KCNAB2: variants seen among roughly 807,000 people sequenced by gnomAD.
KCNAB2 encodes potassium voltage-gated channel subfamily A regulatory beta subunit 2, also known as voltage-gated potassium channel subunit beta-2.
KCNAB2 carries 29 observed loss-of-function variants against 63.6 expected under a neutral mutation model. That is an observed-to-expected ratio of 0.46 (90% CI 0.34 to 0.62). The LOEUF (loss-of-function observed/expected upper bound fraction) is 0.62. Among genes scored for constraint, KCNAB2 ranks in the 20% least tolerant of loss-of-function variants. KCNAB2 has a pLI of 0.01. For missense variants in KCNAB2, 359 were observed against 563.9 expected, an observed-to-expected ratio of 0.64 and a Z score of 3.68; for synonymous variants, 222 against 224.2, an observed-to-expected ratio of 0.99 and a Z score of 0.09.
chr1:6,040,265 G>A (rs907570002), intron 1 of KCNAB2, among the ~76,000 whole-genome samples: 1 of 152,162 alleles, frequency 6.6e-6, no homozygotes, highest in African/African-American at 2.4e-5. Context: ...GTGGGAGTGT[G>A]GAGTGATGGA....
upstream of KCNAB2, among the ~76,000 whole-genome samples, chr1:6,032,914 A>G (rs1331620614): frequency 6.6e-6 from 1 of 152,250 alleles, no homozygotes; most frequent in Admixed American, 6.5e-5. Flanking sequence ...AATGAAAAAT[A>G]TGGGGGGTTG....
rs114434840 is a variant in KCNAB2 at position 6,096,559 on chromosome 1, C to T, written c.949-77C>T. The T allele has an allele frequency of 7.8e-4, 1,182 of 1,518,054 alleles. 10 individuals are homozygous for T. In the African/African-American group the frequency reaches 0.015, roughly 19 times the overall value. The allele number at this position is 1,518,054 out of a possible 1,614,324, so 94.0% of individuals were successfully genotyped here. On this transcript the variant is annotated intron_variant, in intron 13 of 15. Coordinates refer to ENST00000378083, the MANE Select transcript of KCNAB2 (RefSeq NM_001199862.2). The surrounding 1 kb of genome is among the most constrained non-coding windows in gnomAD (Gnocchi z 5.9). ...GAGAAGGGTCCAGAAGGAATGAGCC[C>T]ATCGGCCCCCTGCACGTGGGGGTCC...
chr1:6,044,077 G>T (rs1262561207), upstream of KCNAB2, among the ~76,000 whole-genome samples: 1 of 152,192 alleles, frequency 6.6e-6, no homozygotes, highest in Non-Finnish European at 1.5e-5. Flanking sequence ...TACGGCCTAT[G>T]GTTGGGGTCA....
chr1:6,009,865 CT>C (rs1045188193), intron 1 of KCNAB2, among the ~76,000 whole-genome samples: 3 of 140,642 alleles, frequency 2.1e-5, no homozygotes, highest in Admixed American at 1.5e-4. Context: ...TATTTCTTTT[CT>C]TTTTTTCTTT....
At chr1:6,091,453 A>G in intron 10 of KCNAB2, 146 bp downstream of exon 10, 1 of 636,076 alleles carries the variant, frequency 1.6e-6, no homozygotes, top group Non-Finnish European at 2.7e-6. Context: ...CTATGAGAAC[A>G]CCTTGCAAGT....
intron 1 of KCNAB2, 72 bp from the exon 2 acceptor site, chr1:6,051,439 C>T (rs1661372876): frequency 7.1e-7 from 1 of 1,412,558 alleles, no homozygotes; most frequent in Non-Finnish European, 9.2e-7. Flanking sequence ...TGCCCCCTGC[C>T]CCAGGGCCAG....
In KCNAB2 at chr1:6,099,722, G is replaced by A. The variant is rs1665906177; in HGVS notation, c.*1148G>A. On this transcript the variant is annotated 3_prime_UTR_variant, in exon 16 of 16. Coordinates refer to ENST00000378083, the MANE Select transcript of KCNAB2 (RefSeq NM_001199862.2). ...ATGACTTGGGGGCTGCACCCCCACAGCACCCCCACAATGTAGGAAAAGACC... is the reference window on the plus strand; with the variant it reads ...ATGACTTGGGGGCTGCACCCCCACAACACCCCCACAATGTAGGAAAAGACC... The A allele has an allele frequency of 1.4e-6, 2 of 1,437,790 alleles. No individual in the cohort carries two copies. Among genetic ancestry groups the A allele is most frequent in the South Asian group, 3.0e-5 (2 of 67,104 alleles). The allele number at this position is 1,437,790 out of a possible 1,614,324, so 89.1% of individuals were successfully genotyped here.
chr1:6,022,756 C>T (rs575008382), intron 1 of KCNAB2, among the ~76,000 whole-genome samples: 2 of 152,130 alleles, frequency 1.3e-5, no homozygotes, highest in South Asian at 4.1e-4. Flanking sequence ...CATTTTGTGA[C>T]TGGCTTATTT....
In KCNAB2 at chr1:6,087,480, G is replaced by A. The variant is rs140319610; in HGVS notation, c.439G>A (p.Val147Ile). 4.3e-5 allele frequency: 69 copies of A among 1,614,126 alleles called. No individual in the cohort carries two copies. Among genetic ancestry groups the A allele is most frequent in the Admixed American group, 6.7e-5 (4 of 60,024 alleles). Residue 147 changes from valine to isoleucine, a missense_variant, in exon 7 of 16, where the codon GTC becomes ATC. Coordinates refer to ENST00000378083, the MANE Select transcript of KCNAB2 (RefSeq NM_001199862.2). The surrounding 1 kb of genome is among the most constrained non-coding windows in gnomAD (Gnocchi z 6.4). ...KKKGWRRSSL[V>I]ITTKIFWGGK... ...TCTGTTCCACAGGCGGTCCAGCCTC[G>A]TCATCACCACCAAGATCTTCTGGGG...
In KCNAB2 at chr1:6,095,447, G is replaced by A; in HGVS notation, c.853+4G>A. ...CCGGAGCTGTTCCACAAGATAGGTG[G>A]GCACCCTCGGGCCCCTCGCCCCGCC... On this transcript the variant is annotated splice_donor_region_variant and intron_variant, in intron 12 of 15. Transcript: ENST00000378083. 1 of 1,612,870 alleles carries A rather than the reference G, an allele frequency of 6.2e-7. No homozygotes were observed. Among genetic ancestry groups the A allele is most frequent in the Non-Finnish European group, 8.5e-7 (1 of 1,179,992 alleles).
rs1260430003 is a variant in KCNAB2, at chr1:6,024,751, G to A, written c.-52-15766G>A. Among the ~76,000 whole-genome samples, 1 of 152,214 alleles carries A rather than the reference G, an allele frequency of 6.6e-6. No individual in the cohort carries two copies. The highest frequency in any genetic ancestry group is 2.4e-5 in the African/African-American group (1 of 41,448). Reference sequence around the variant, plus strand: ...GGCTGTTCTCTGGCTCTGGGAGGCAGCAGAGGTCACCTGTCCAGAGCCAGA... The same window carrying A: ...GGCTGTTCTCTGGCTCTGGGAGGCAACAGAGGTCACCTGTCCAGAGCCAGA... On this transcript the variant is annotated intron_variant, in intron 1 of 16. Coordinates refer to the KCNAB2 transcript ENST00000341524. This position sits in a 1 kb window ranked among gnomAD's most constrained non-coding sequence, Gnocchi z 5.4.
In KCNAB2 at chr1:6,073,176, A is replaced by T. The variant is rs577041198; in HGVS notation, c.262+378A>T. ...TGAGTCCCTCCTGGAGCGCCATTGG[A>T]TTTGGCCCTTTTTCCTCTCCTGTCA... On this transcript the variant is annotated intron_variant, in intron 3 of 15. Transcript: ENST00000378083. The surrounding 1 kb of genome is among the most constrained non-coding windows in gnomAD (Gnocchi z 5.7). Among the ~76,000 whole-genome samples the T allele has an allele frequency of 6.6e-6, 1 of 151,970 alleles. No individual in the cohort carries two copies. The highest frequency in any genetic ancestry group is 1.5e-5 in the Non-Finnish European group (1 of 67,948).
At chr1:6,058,917 C>T (rs1570983926) in intron 2 of KCNAB2, among the ~76,000 whole-genome samples, 1 of 152,094 alleles carries the variant, frequency 6.6e-6, no homozygotes, top group Admixed American at 6.5e-5. Flanking sequence ...CTGCTGGCAG[C>T]GGGCACCACA....
At chr1:6,000,088 T>G (rs1657161830) in intron 1 of KCNAB2, among the ~76,000 whole-genome samples, 1 of 152,178 alleles carries the variant, frequency 6.6e-6, no homozygotes. Flanking sequence ...ACTCTGTCTG[T>G]GCCCCATCTG....
In KCNAB2 at chr1:6,100,803, C is replaced by T. The variant is rs566371916; in HGVS notation, c.*2229C>T. 1.3e-5 allele frequency: 2 copies of T among 152,364 alleles called. No individual in the cohort carries two copies. Among genetic ancestry groups the T allele is most frequent in the South Asian group, 4.1e-4 (2 of 4,836 alleles). The allele number at this position is 152,364 out of a possible 1,614,324, so 9.4% of individuals were successfully genotyped here. On this transcript the variant is annotated 3_prime_UTR_variant, in exon 16 of 16. Coordinates refer to ENST00000378083, the MANE Select transcript of KCNAB2 (RefSeq NM_001199862.2). Reference sequence around the variant, plus strand: ...GCTCTGCCTCCTAGGGCCAGGTCCCCCCTCTCGGGAGGAGGTATTGGGTAG... The same window carrying T: ...GCTCTGCCTCCTAGGGCCAGGTCCCTCCTCTCGGGAGGAGGTATTGGGTAG...
chr1:6,022,168 G>C (rs1443169101), intron 1 of KCNAB2, among the ~76,000 whole-genome samples: 1 of 151,596 alleles, frequency 6.6e-6, no homozygotes, highest in Non-Finnish European at 1.5e-5. Flanking sequence ...CAGTGGTATT[G>C]AGTGTCTAGT....
chr1:6,044,492 G>C (rs370831879), upstream of KCNAB2, among the ~76,000 whole-genome samples: 184 of 152,334 alleles, frequency 1.2e-3, 1 homozygote, highest in African/African-American at 4.3e-3. Flanking sequence ...CCACAGCTCA[G>C]AGGTGTGCAC....
chr1:6,085,288 T>C, intron 6 of KCNAB2, 40 bp downstream of exon 6: 1 of 1,597,590 alleles, frequency 6.3e-7, no homozygotes. Flanking sequence ...CTGGGGTGGG[T>C]GCGGGCGAAC....
Position 6,100,259 on chromosome 1 carries a change from C to A in KCNAB2, c.*1685C>A. 1 of 572,530 alleles carries A rather than the reference C, an allele frequency of 1.7e-6. No individual in the cohort carries two copies. The highest frequency in any genetic ancestry group is 2.8e-6 in the Non-Finnish European group (1 of 359,660). The allele number at this position is 572,530 out of a possible 1,614,324, so 35.5% of individuals were successfully genotyped here. Reference sequence around the variant, plus strand: ...ATCAGCTTCTGCTATTACCGACCCCCCTTCATGCTGCCCCTGGCGCCTAGA... The same window carrying A: ...ATCAGCTTCTGCTATTACCGACCCCACTTCATGCTGCCCCTGGCGCCTAGA... On this transcript the variant is annotated 3_prime_UTR_variant, in exon 16 of 16. Coordinates refer to ENST00000378083, the MANE Select transcript of KCNAB2 (RefSeq NM_001199862.2).
Sources: gnomAD v4.1 joint callset for allele counts (sites outside exome capture counted in the v4.1 genomes callset) on GRCh38, gnomAD v4.1.1 for gene constraint, Gnocchi (gnomAD v3.1) non-coding constraint, MANE v1.5 for transcripts, NCBI Gene and HGNC (gene_info 2026-07-23, HGNC 2026-07-21) for gene names.